Variants in FAT2 observed in about 807,000 individuals in gnomAD.
The protein encoded by FAT2 is FAT atypical cadherin 2, also known as protocadherin Fat 2.
A neutral mutation model predicts 295.3 loss-of-function variants in FAT2; 150 were observed. That is an observed-to-expected ratio of 0.51 (90% confidence interval 0.44 to 0.58). The LOEUF (loss-of-function observed/expected upper bound fraction) is 0.58. Ranked by LOEUF, FAT2 falls within the 20% of genes least tolerant of loss-of-function variation. The pLI, the probability that FAT2 is intolerant of heterozygous loss-of-function variation, is 0.00. For missense variants in FAT2, 4,868 were observed against 5,442.7 expected (o/e 0.89, Z 3.32); for synonymous variants, 2,026 against 2,150.3 (o/e 0.94, Z 1.60).
Position 151,587,029 on chromosome 5 carries a change from C to A in FAT2, c.-21+4136G>T, listed in dbSNP as rs556518759. Among the ~76,000 whole-genome samples, 10 of 152,142 alleles carry A rather than the reference C, an allele frequency of 6.6e-5. No homozygotes were observed. The South Asian group carries it at 2.1e-3, about 32-fold the overall frequency. Reference sequence around the variant, plus strand: ...TGATGTCACACGCCTGTAGTCCCAGCTACATAGGAGGCTGAGGCATGAGAA... The same window carrying A: ...TGATGTCACACGCCTGTAGTCCCAGATACATAGGAGGCTGAGGCATGAGAA... On this transcript the variant is annotated intron_variant, in intron 1 of 23. Coordinates refer to ENST00000261800, the MANE Select transcript of FAT2 (RefSeq NM_001447.3).
chr5:151,550,975 G>T (rs181177467), intron 7 of FAT2, 104 bp from the exon 8 acceptor site: 2 of 953,528 alleles, frequency 2.1e-6, no homozygotes, highest in East Asian at 4.9e-5. Context: ...ACAGTGCCTG[G>T]CACTCAGCAA....
chr5:151,531,929 C>T lies in FAT2; in HGVS notation c.9469G>A (p.Glu3157Lys), dbSNP rs770443495. 24 of 1,614,202 alleles carry T rather than the reference C, an allele frequency of 1.5e-5. No homozygotes were observed. The highest frequency in any genetic ancestry group is 1.7e-5 in the Non-Finnish European group (20 of 1,180,032). The change falls in exon 14 of 24, where the codon GAA becomes AAA. Residue 3157 changes from glutamate to lysine, a missense_variant. Physicochemically the swap from Glu to Lys is moderately conservative, Grantham distance 56. This residue lies in a region of FAT2 where 1,046 missense variants were observed against 1,210.1 expected (regional missense o/e 0.86). Transcript: ENST00000261800. The surrounding 1 kb of genome is among the most constrained non-coding windows in gnomAD (Gnocchi z 5.7). ...QVVYSLPDSAEGHFSIDATTG... is the reference protein window; with the variant it reads ...QVVYSLPDSAKGHFSIDATTG... ...GTGGCGTCGATGGAAAAGTGGCCTT[C>T]GGCTGAATCCGGCAGAGAGTAAACC...
At position 151,566,510 on chromosome 5, in the gene FAT2, C is replaced by T. The variant is rs754872719; in HGVS notation, c.2422G>A (p.Val808Met). 6.2e-7 allele frequency: 1 copy of T among 1,614,080 alleles called. No homozygotes were observed. Among genetic ancestry groups the T allele is most frequent in the Non-Finnish European group, 8.5e-7 (1 of 1,180,020 alleles). Residue 808 changes from valine (V) to methionine (M), a missense_variant, in exon 2 of 24, where the codon GTG becomes ATG. Physicochemically the swap from Val to Met is conservative, Grantham distance 21. This residue lies in a region of FAT2 where 3,297 missense variants were observed against 3,669.4 expected (regional missense o/e 0.90). Transcript: ENST00000261800. ...TTGTCATTCCAGTCTTTCACATTCACTGTCAGCAGCTTCCAGGAGGACTTC... is the reference window on the plus strand; with the variant it reads ...TTGTCATTCCAGTCTTTCACATTCATTGTCAGCAGCTTCCAGGAGGACTTC... ...PQKSSWKLLT[V>M]NVKDWNDNAP...
At chr5:151,536,342 G>T (rs1755281571) in intron 12 of FAT2, among the ~76,000 whole-genome samples, 1 of 152,148 alleles carries the variant, frequency 6.6e-6, no homozygotes, top group Non-Finnish European at 1.5e-5. Context: ...GGTTAGGAAG[G>T]ACAGCATTGT....
intron 1 of FAT2, among the ~76,000 whole-genome samples, chr5:151,589,796 G>A (rs1754638176): frequency 6.6e-6 from 1 of 152,186 alleles, no homozygotes; most frequent in Non-Finnish European, 1.5e-5. Context: ...AGCTACCCAG[G>A]AGGCTGATGT....
chr5:151,515,695 A>G (rs1561817396), intron 20 of FAT2, among the ~76,000 whole-genome samples: 1 of 152,138 alleles, frequency 6.6e-6, no homozygotes, highest in South Asian at 2.1e-4. Context: ...TCTTTGTAGA[A>G]TCTATCTTCT....
At chr5:151,558,433 T>C (rs1375890451) in intron 3 of FAT2, among the ~76,000 whole-genome samples, 1 of 152,016 alleles carries the variant, frequency 6.6e-6, no homozygotes, top group Non-Finnish European at 1.5e-5. Flanking sequence ...CTGACCAATA[T>C]GGTGAAACTT....
chr5:151,563,446 G>T lies in FAT2; in HGVS notation c.3453C>A (p.Pro1151=), dbSNP rs150244445. The change falls in exon 3 of 24, where the codon CCC becomes CCA. Residue 1151 remains proline (P), a synonymous_variant. Coordinates refer to ENST00000261800, the MANE Select transcript of FAT2 (RefSeq NM_001447.3). ...CCAGTTGAAGCACAGAGGTGCCCACGGGAGCATCCTCCTGGATGGAGGGGT... is the reference window on the plus strand; with the variant it reads ...CCAGTTGAAGCACAGAGGTGCCCACTGGAGCATCCTCCTGGATGGAGGGGT... The part of the protein sequence containing the change: ...VFYPSIQEDA[P]VGTSVLQLDA... The T allele has an allele frequency of 6.2e-7, 1 of 1,614,204 alleles. No homozygotes were observed.
chr5:151,574,127 C>A (rs1243565811), intron 1 of FAT2, among the ~76,000 whole-genome samples: 1 of 152,172 alleles, frequency 6.6e-6, no homozygotes, highest in African/African-American at 2.4e-5. Context: ...GGTTATACAC[C>A]TGCCAATGCT....
At chr5:151,553,077 C>T (rs548550052) in intron 6 of FAT2, 100 bp downstream of exon 6, 88 of 1,251,626 alleles carry the variant, frequency 7.0e-5, no homozygotes, top group Admixed American at 1.3e-4. Context: ...CCGAGGAGCC[C>T]GACCTTGAGA....
intron 4 of FAT2, among the ~76,000 whole-genome samples, chr5:151,555,739 T>C (rs1268980697): frequency 1.3e-5 from 2 of 152,210 alleles, no homozygotes; most frequent in African/African-American, 4.8e-5. Context: ...CAAAATTTGT[T>C]TCCTGCTGAG....
In FAT2 at chr5:151,531,421, G is replaced by A. The variant is rs1361406069; in HGVS notation, c.9811+166C>T. 6.6e-6 allele frequency among the ~76,000 whole-genome samples: 1 copy of A among 152,198 alleles called. No individual in the cohort carries two copies. The highest frequency in any genetic ancestry group is 1.5e-5 in the Non-Finnish European group (1 of 68,036). The stretch of plus-strand genomic sequence containing the variant: ...CACATAAGCTGGCCCCAGGGTGGAA[G>A]GAGGGACCTGGTACTCGGAGAGAAG... On this transcript the variant is annotated intron_variant, in intron 14 of 23. Transcript: ENST00000261800. This position sits in a 1 kb window ranked among gnomAD's most constrained non-coding sequence, Gnocchi z 5.7.
chr5:151,548,793 C>T (rs1002231144), intron 9 of FAT2, among the ~76,000 whole-genome samples: 2 of 152,174 alleles, frequency 1.3e-5, no homozygotes, highest in Non-Finnish European at 1.5e-5. Flanking sequence ...CATACATTTT[C>T]TCTTTTAATC....
intron 1 of FAT2, among the ~76,000 whole-genome samples, chr5:151,582,344 G>C (rs1319239411): frequency 6.6e-6 from 1 of 152,244 alleles, no homozygotes; most frequent in East Asian, 1.9e-4. Context: ...AAACTCAACA[G>C]AGTGGCTGGG....
At chr5:151,539,484 A>G (rs2127600780) in intron 11 of FAT2, among the ~76,000 whole-genome samples, 1 of 152,300 alleles carries the variant, frequency 6.6e-6, no homozygotes, top group South Asian at 2.1e-4. Context: ...GTATATGCTT[A>G]TATGTTTATG....
intron 1 of FAT2, among the ~76,000 whole-genome samples, chr5:151,569,995 A>T (rs1281265191): frequency 6.6e-6 from 1 of 152,284 alleles, no homozygotes. Flanking sequence ...TAGAATAAGG[A>T]TAAGAAAATC....
rs775249607 is a variant in FAT2 at position 151,525,978 on chromosome 5, G to A, written c.10309-13C>T. ...TGGGGGAGTTCTCCTGAGACCGAGA[G>A]TGACAAAGAAGGCAAAGAGCAGAAT... is the stretch of plus-strand genomic sequence containing the variant. On this transcript the variant is annotated splice_polypyrimidine_tract_variant and intron_variant, in intron 17 of 23. Transcript: ENST00000261800. 4.3e-6 allele frequency: 7 copies of A among 1,613,258 alleles called. No individual in the cohort carries two copies. Among genetic ancestry groups the A allele is most frequent in the South Asian group, 1.1e-5 (1 of 90,902 alleles).
rs910226237 is a variant in FAT2 at position 151,567,078 on chromosome 5, C to A, written c.1854G>T (p.Val618=). 1.9e-6 allele frequency: 3 copies of A among 1,614,090 alleles called. No individual in the cohort carries two copies. Among genetic ancestry groups the A allele is most frequent in the Non-Finnish European group, 1.7e-6 (2 of 1,179,994 alleles). Residue 618 remains valine, a synonymous_variant, in exon 2 of 24, where the codon GTG becomes GTT. Coordinates refer to ENST00000261800, the MANE Select transcript of FAT2 (RefSeq NM_001447.3). The part of the protein sequence containing the change: ...EYFDLNHFSG[V]ISLKRPFINL... ...TGATAAAAGGGCGTTTGAGGGATATCACTCCGGAGAAATGATTTAGATCAA... is the reference window on the plus strand; with the variant it reads ...TGATAAAAGGGCGTTTGAGGGATATAACTCCGGAGAAATGATTTAGATCAA...
At chr5:151,507,644 A>G in intron 22 of FAT2, 33 bp from the exon 23 acceptor site, 1 of 1,554,474 alleles carries the variant, frequency 6.4e-7, no homozygotes, top group Non-Finnish European at 8.7e-7. Flanking sequence ...GGGCCAAGTC[A>G]TGAAATTGCC....
Sources: gnomAD v4.1 joint callset for allele counts (sites outside exome capture counted in the v4.1 genomes callset) on GRCh38, gnomAD v4.1.1 for gene constraint, gnomAD v4.1.1 regional missense constraint, Gnocchi (gnomAD v3.1) non-coding constraint, MANE v1.5 for transcripts, NCBI Gene and HGNC (gene_info 2026-07-23, HGNC 2026-07-21) for gene names.